The following SNRNP27 variants were observed in gnomAD, a reference collection of about 807,000 sequenced individuals.
SNRNP27 encodes small nuclear ribonucleoprotein U4/U6.U5 subunit 27.
SNRNP27 carries 22 observed loss-of-function variants against 25.1 expected under a neutral mutation model. The observed-to-expected ratio is 0.88, with a 90% CI of 0.63 to 1.25. The LOEUF (loss-of-function observed/expected upper bound fraction) is 1.25, where lower values mean the gene tolerates loss of function less well. Among genes scored for constraint, SNRNP27 ranks in the 50% most tolerant of loss-of-function variants. SNRNP27 has a pLI of 0.00. For synonymous variants in SNRNP27, 66 were observed against 64.9 expected (o/e 1.02, Z -0.08); for missense variants, 150 against 202.3 (o/e 0.74, Z 1.57).
chr2:69,896,416 T>G lies in SNRNP27; in HGVS notation c.156-20T>G. ...TTGATATGTCTGTCTGTTTCTAACA[T>G]CTTTGCTTATAAATATTAGATCTCC... is the stretch of plus-strand genomic sequence containing the variant. On this transcript the variant is annotated intron_variant, in intron 2 of 5. Transcript: ENST00000244227. 2 of 1,608,450 alleles carry G rather than the reference T, an allele frequency of 1.2e-6. No individual in the cohort carries two copies. Among genetic ancestry groups the G allele is most frequent in the Non-Finnish European group, 1.7e-6 (2 of 1,176,878 alleles).
chr2:69,902,929 C>A, intron 4 of SNRNP27, among the ~76,000 whole-genome samples: 1 of 126,932 alleles, frequency 7.9e-6, no homozygotes, highest in Admixed American at 8.1e-5. Context: ...CTCCTCCTTT[C>A]TTCTTCTTCT....
intron 4 of SNRNP27, among the ~76,000 whole-genome samples, chr2:69,898,578 T>C (rs991494195): frequency 6.6e-6 from 1 of 152,240 alleles, no homozygotes; most frequent in Non-Finnish European, 1.5e-5. Flanking sequence ...AATAATCCAC[T>C]TTCCCAAGTC....
Position 69,904,976 on chromosome 2 carries a change from A to G in SNRNP27, c.*668A>G, listed in dbSNP as rs1286065428. On this transcript the variant is annotated 3_prime_UTR_variant, in exon 6 of 6. Coordinates refer to ENST00000244227, the MANE Select transcript of SNRNP27 (RefSeq NM_006857.3). ...ATAATCAATTTCAACATTTTGGTATATGTTTTTCCAGGCTTCTTTGGGTTG... is the reference window on the plus strand; with the variant it reads ...ATAATCAATTTCAACATTTTGGTATGTGTTTTTCCAGGCTTCTTTGGGTTG... 1.3e-5 allele frequency: 2 copies of G among 152,488 alleles called. No homozygotes were observed. Among genetic ancestry groups the G allele is most frequent in the Middle Eastern group, 3.2e-3 (1 of 316 alleles). 9.4% of individuals were successfully genotyped at this position (152,488 alleles called of 1,614,324 possible).
Position 69,904,796 on chromosome 2 carries a change from G to C in SNRNP27, c.*488G>C, listed in dbSNP as rs1311585713. 1.3e-5 allele frequency: 2 copies of C among 154,134 alleles called. No individual in the cohort carries two copies. The highest frequency in any genetic ancestry group is 6.6e-5 in the Admixed American group (1 of 15,044). The allele number at this position is 154,134 out of a possible 1,614,324, so 9.5% of individuals were successfully genotyped here. ...TGGGAAGAATGAAAAAGCATAACTA[G>C]ATTTTTCTATCTTCTGTGGTCGCCC... On this transcript the variant is annotated 3_prime_UTR_variant, in exon 6 of 6. Coordinates refer to ENST00000244227, the MANE Select transcript of SNRNP27 (RefSeq NM_006857.3).
intron 1 of SNRNP27, 29 bp from the exon 2 acceptor site, chr2:69,895,065 G>C (rs1278573596): frequency 1.4e-5 from 23 of 1,611,184 alleles, no homozygotes; most frequent in South Asian, 1.3e-4. Flanking sequence ...GTAATTATCA[G>C]TTCTGCAATT....
chr2:69,897,703 G>A, intron 4 of SNRNP27: 1 of 411,946 alleles, frequency 2.4e-6, no homozygotes, highest in Non-Finnish European at 4.4e-6. Context: ...AGAGGAAGAA[G>A]ATTATTTCAG....
intron 4 of SNRNP27, among the ~76,000 whole-genome samples, 159 bp from the exon 5 acceptor site, chr2:69,903,022 A>C (rs1285749414): frequency 1.4e-4 from 19 of 136,484 alleles, no homozygotes; most frequent in Non-Finnish European, 2.7e-4. Context: ...GGCTACTTGC[A>C]GTCCCAAACT....
Position 69,895,108 on chromosome 2 carries a change from C to A in SNRNP27, c.49C>A (p.Arg17=). 6.2e-7 allele frequency: 1 copy of A among 1,613,324 alleles called. No individual in the cohort carries two copies. The highest frequency in any genetic ancestry group is 8.5e-7 in the Non-Finnish European group (1 of 1,179,882). The change falls in exon 2 of 6, where the codon CGG becomes AGG. Residue 17 remains arginine (R), a synonymous_variant. Transcript: ENST00000244227. Reference sequence around the variant, plus strand: ...GTTTGCATTAGAACGTAGGCGTTCCCGGTCCACATCCCGGGAGAGAGAACG... The same window carrying A: ...GTTTGCATTAGAACGTAGGCGTTCCAGGTCCACATCCCGGGAGAGAGAACG... ...RSPRRERRRS[R]STSRERERRR...
intron 4 of SNRNP27, among the ~76,000 whole-genome samples, chr2:69,899,663 G>C (rs1676660302): frequency 6.6e-6 from 1 of 151,982 alleles, no homozygotes; most frequent in Admixed American, 6.6e-5. Flanking sequence ...CTCTTGGCCT[G>C]AAGGGATCCA....
chr2:69,900,118 T>C (rs1045369470), intron 4 of SNRNP27, among the ~76,000 whole-genome samples: 35 of 152,282 alleles, frequency 2.3e-4, no homozygotes, highest in African/African-American at 8.4e-4. Context: ...GCAATGTGCT[T>C]GGCTTTTCCC....
Position 69,896,550 on chromosome 2 carries a change from T to C in SNRNP27, c.268+2T>C, listed in dbSNP as rs1221215421. On this transcript the variant is annotated splice_donor_variant, in intron 3 of 5. Transcript: ENST00000244227. LOFTEE classifies it high-confidence loss of function. ...AGAGCAAAGAACGGCAGATTACTGG[T>C]AATGTTATTAGATAAATAACTGTAG... The C allele has an allele frequency of 3.1e-6, 5 of 1,593,868 alleles. No individual in the cohort carries two copies. The highest frequency in any genetic ancestry group is 3.4e-5 in the Admixed American group (2 of 59,446).
chr2:69,894,126 T>TTCC, intron 1 of SNRNP27, 108 bp downstream of exon 1: 1 of 1,050,510 alleles, frequency 9.5e-7, no homozygotes. Flanking sequence ...GCGGGCCCTT[T>TTCC]TCCCAGGCGG....
intron 4 of SNRNP27, among the ~76,000 whole-genome samples, chr2:69,902,557 G>A (rs1386133758): frequency 6.7e-6 from 1 of 150,164 alleles, no homozygotes; most frequent in African/African-American, 2.5e-5. Context: ...TGCTTCTGCT[G>A]CTCCTTCTGC....
chr2:69,895,600 C>G (rs62151994), intron 2 of SNRNP27, among the ~76,000 whole-genome samples: 4,445 of 152,078 alleles, frequency 0.029, 93 homozygotes, highest in Non-Finnish European at 0.047. Context: ...TGGAGTGCAG[C>G]GGCGCAATCT....
chr2:69,901,041 G>T (rs1403131270), intron 4 of SNRNP27, among the ~76,000 whole-genome samples: 1 of 152,086 alleles, frequency 6.6e-6, no homozygotes, highest in Admixed American at 6.6e-5. Flanking sequence ...GGGCGTAGTG[G>T]TGCATGCCTG....
rs1325796040 is a variant in SNRNP27 at position 69,899,306 on chromosome 2, G to A, written c.348+1850G>A. Among the ~76,000 whole-genome samples the A allele has an allele frequency of 2.6e-5, 4 of 152,292 alleles. No individual in the cohort carries two copies. In the East Asian group the frequency reaches 7.7e-4, roughly 29 times the overall value. On this transcript the variant is annotated intron_variant, in intron 4 of 5. Transcript: ENST00000244227. Reference sequence around the variant, plus strand: ...AACGTCAGCTCATTTGTGTTTTTAAGTAATGTGTGTCTTGTGATGTTTCAT... The same window carrying A: ...AACGTCAGCTCATTTGTGTTTTTAAATAATGTGTGTCTTGTGATGTTTCAT...
chr2:69,901,697 T>C (rs1676703118), intron 4 of SNRNP27, among the ~76,000 whole-genome samples: 1 of 152,126 alleles, frequency 6.6e-6, no homozygotes, highest in African/African-American at 2.4e-5. Flanking sequence ...GGCATGTGCC[T>C]GTAGTCCCAG....
In SNRNP27 at chr2:69,900,566, C is replaced by T. The variant is rs139455425; in HGVS notation, c.349-2615C>T. Among the ~76,000 whole-genome samples, 8 of 152,310 alleles carry T rather than the reference C, an allele frequency of 5.3e-5. 1 individual carries two copies. The South Asian group carries it at 1.0e-3, about 20-fold the overall frequency. ...TTAGCCCCACTTCAAATATACTGTTCGTCTGTGTATGCCTTTTGGCCAGTG... is the reference window on the plus strand; with the variant it reads ...TTAGCCCCACTTCAAATATACTGTTTGTCTGTGTATGCCTTTTGGCCAGTG... On this transcript the variant is annotated intron_variant, in intron 4 of 5. Coordinates refer to ENST00000244227, the MANE Select transcript of SNRNP27 (RefSeq NM_006857.3).
chr2:69,895,184 G>A lies in SNRNP27; in HGVS notation c.125G>A (p.Arg42His), dbSNP rs1483298580. Residue 42 changes from arginine to histidine, a missense_variant, in exon 2 of 6, where the codon CGC (arginine) becomes CAC (histidine). Physicochemically the swap from Arg to His is conservative, Grantham distance 29. This residue lies in a region of SNRNP27 where 142 missense variants were observed against 168.6 expected (regional missense o/e 0.84). Coordinates refer to ENST00000244227, the MANE Select transcript of SNRNP27 (RefSeq NM_006857.3). Reference sequence around the variant, plus strand: ...CGGGAGAGAGATCGGAGAAGGAGCCGCTCGCGATCCCCGCACCGAAGACGC... The same window carrying A: ...CGGGAGAGAGATCGGAGAAGGAGCCACTCGCGATCCCCGCACCGAAGACGC... ...RSRERDRRRS[R>H]SRSPHRRRSR... is the part of the protein sequence containing the mutation. 3.1e-6 allele frequency: 5 copies of A among 1,613,976 alleles called. No homozygotes were observed. Among genetic ancestry groups the A allele is most frequent in the African/African-American group, 2.7e-5 (2 of 74,930 alleles).
Sources: allele counts gnomAD v4.1 joint callset (sites outside exome capture counted in the v4.1 genomes callset), GRCh38; gene constraint gnomAD v4.1.1; regional missense constraint gnomAD v4.1.1; transcripts MANE v1.5; gene names NCBI Gene and HGNC (gene_info 2026-07-23, HGNC 2026-07-21).